Variants in PCED1B observed in about 807,000 individuals in gnomAD.
PCED1B encodes PC-esterase domain containing 1B, also known as PC-esterase domain-containing protein 1B.
For missense variants in PCED1B, 573 were observed against 573.9 expected, an observed-to-expected ratio of 1.00 and a Z score of 0.02; for synonymous variants, 251 against 246.1, an observed-to-expected ratio of 1.02 and a Z score of -0.19.
chr12:47,172,136 T>C (rs901155487), intron 2 of PCED1B, among the ~76,000 whole-genome samples: 1 of 152,130 alleles, frequency 6.6e-6, no homozygotes, highest in African/African-American at 2.4e-5. Context: ...GCTCTTATGT[T>C]TTTCTGATAT....
At chr12:47,154,462 G>C (rs1490596345) in intron 2 of PCED1B, among the ~76,000 whole-genome samples, 3 of 152,104 alleles carry the variant, frequency 2.0e-5, no homozygotes, top group East Asian at 1.9e-4. Flanking sequence ...CCACCACGTA[G>C]AGTCCCTTTC....
chr12:47,236,444 A>G lies in PCED1B; in HGVS notation c.*82A>G. 2 of 1,345,980 alleles carry G rather than the reference A, an allele frequency of 1.5e-6. No individual in the cohort carries two copies. Among genetic ancestry groups the G allele is most frequent in the Non-Finnish European group, 2.0e-6 (2 of 1,008,762 alleles). 83.4% of individuals were successfully genotyped at this position (1,345,980 alleles called of 1,614,324 possible). A position where few individuals can be genotyped will look rare whatever the true frequency, so the allele number is the denominator to read the frequency against. On this transcript the variant is annotated 3_prime_UTR_variant, in exon 4 of 4. Transcript: ENST00000546455. ...CCTTTCCATTGCTTGGCCTGAACAG[A>G]CTGACCTTGTTAACTTAAGCCTGGA...
At chr12:47,142,054 A>G (rs1940613953) in intron 2 of PCED1B, among the ~76,000 whole-genome samples, 1 of 151,972 alleles carries the variant, frequency 6.6e-6, no homozygotes, top group Non-Finnish European at 1.5e-5. Flanking sequence ...ACACCCATCC[A>G]TGCATCTGGC....
chr12:47,130,968 T>G (rs1437956694), intron 2 of PCED1B, among the ~76,000 whole-genome samples: 1 of 152,234 alleles, frequency 6.6e-6, no homozygotes, highest in African/African-American at 2.4e-5. Flanking sequence ...TTACATACAT[T>G]ACTTAAATGT....
intron 2 of PCED1B, among the ~76,000 whole-genome samples, chr12:47,176,964 A>G (rs958289890): frequency 2.6e-5 from 4 of 152,230 alleles, no homozygotes; most frequent in African/African-American, 9.6e-5. Flanking sequence ...AACTATCTCC[A>G]GTGGGGATGG....
At chr12:47,207,509 G>A (rs1212980030) in intron 2 of PCED1B, among the ~76,000 whole-genome samples, 1 of 152,232 alleles carries the variant, frequency 6.6e-6, no homozygotes, top group African/African-American at 2.4e-5. Context: ...GATAGGACAA[G>A]GATGACCCAG....
rs565522562 is a variant in PCED1B at position 47,112,932 on chromosome 12, G to A, written c.-526+8737G>A. Among the ~76,000 whole-genome samples, 149 of 152,312 alleles carry A rather than the reference G, an allele frequency of 9.8e-4. 1 individual carries two copies. Among genetic ancestry groups the A allele is most frequent in the South Asian group, 4.4e-3 (21 of 4,826 alleles). ...CAGCCCTTGCACATACGACTGCCCT[G>A]CTGTGTGCAAAAGCAAATGGAATTT... On this transcript the variant is annotated intron_variant, in intron 2 of 3. Transcript: ENST00000546455.
intron 2 of PCED1B, among the ~76,000 whole-genome samples, chr12:47,153,447 T>C (rs2137464080): frequency 6.6e-6 from 1 of 152,142 alleles, no homozygotes; most frequent in East Asian, 1.9e-4. Flanking sequence ...AATGTTCCAA[T>C]TGATTTGATA....
chr12:47,185,586 C>A (rs773421235), intron 2 of PCED1B, among the ~76,000 whole-genome samples: 11 of 151,882 alleles, frequency 7.2e-5, no homozygotes, highest in Admixed American at 3.9e-4. Flanking sequence ...GCCAGCAGTT[C>A]GAGACCAGCC....
chr12:47,112,472 A>G (rs1278920412), intron 2 of PCED1B, among the ~76,000 whole-genome samples: 1 of 152,212 alleles, frequency 6.6e-6, no homozygotes, highest in African/African-American at 2.4e-5. Context: ...TCCATATTCC[A>G]TGATGTTAGT....
rs932850873 is a variant in PCED1B, at chr12:47,235,228, C to T, written c.165C>T (p.Asn55=). 7.4e-6 allele frequency: 12 copies of T among 1,610,932 alleles called. No individual in the cohort carries two copies. The highest frequency in any genetic ancestry group is 1.3e-5 in the African/African-American group (1 of 74,918). The stretch of plus-strand genomic sequence containing the variant: ...AGCTTAGAGCAAGGGGGGAGCTGAA[C>T]TTCGAACAAGATGAGCTGGTGGACG... ...PGQLRARGEL[N]FEQDELVDGG... The change falls in exon 4 of 4, where the codon AAC becomes AAT. Residue 55 remains asparagine (N), a synonymous_variant. Transcript: ENST00000546455.
intron 1 of PCED1B, among the ~76,000 whole-genome samples, chr12:47,083,479 G>C (rs1204341321): frequency 1.3e-5 from 2 of 152,080 alleles, no homozygotes; most frequent in African/African-American, 4.8e-5. Context: ...GTGTAACTTA[G>C]CTTGAACCCA....
At chr12:47,207,761 A>C (rs2137745387) in intron 2 of PCED1B, among the ~76,000 whole-genome samples, 1 of 152,318 alleles carries the variant, frequency 6.6e-6, no homozygotes, top group South Asian at 2.1e-4. Flanking sequence ...ACCCCTGACT[A>C]TAATCTATTA....
chr12:47,154,358 G>T (rs1372077495), intron 2 of PCED1B, among the ~76,000 whole-genome samples: 2 of 152,142 alleles, frequency 1.3e-5, no homozygotes, highest in Non-Finnish European at 2.9e-5. Flanking sequence ...ACCTGAGGGA[G>T]CTGGGGTTTT....
In PCED1B at chr12:47,235,505, C is replaced by A; in HGVS notation, c.442C>A (p.Gln148Lys). Residue 148 changes from glutamine to lysine, a missense_variant, in exon 4 of 4, where the codon CAG becomes AAG. Coordinates refer to ENST00000546455, the MANE Select transcript of PCED1B (RefSeq NM_138371.3). Reference protein sequence around the residue: ...SYLENLENLFQCLGQVLPESC... With the variant: ...SYLENLENLFKCLGQVLPESC... The stretch of plus-strand genomic sequence containing the variant: ...CCTGGAGAACCTGGAGAACCTGTTC[C>A]AGTGCCTGGGCCAGGTGCTGCCCGA... 6.2e-7 allele frequency: 1 copy of A among 1,612,940 alleles called. No individual in the cohort carries two copies. Among genetic ancestry groups the A allele is most frequent in the Non-Finnish European group, 8.5e-7 (1 of 1,179,274 alleles).
At chr12:47,089,814 C>A (rs1938185503) in intron 1 of PCED1B, among the ~76,000 whole-genome samples, 1 of 152,006 alleles carries the variant, frequency 6.6e-6, no homozygotes, top group African/African-American at 2.4e-5. Flanking sequence ...TGCTGTGTCA[C>A]CCAGGCTGGA....
chr12:47,082,415 G>T (rs887536205), intron 1 of PCED1B, among the ~76,000 whole-genome samples: 1 of 152,188 alleles, frequency 6.6e-6, no homozygotes, highest in Non-Finnish European at 1.5e-5. Flanking sequence ...AGAAAGAGGA[G>T]TCCTGTAAAT....
chr12:47,204,196 G>T (rs970946982), intron 2 of PCED1B, among the ~76,000 whole-genome samples: 6 of 152,006 alleles, frequency 3.9e-5, no homozygotes, highest in Non-Finnish European at 7.4e-5. Context: ...TGATCTGCCC[G>T]CTTCGGCATC....
chr12:47,190,475 C>G (rs972104839), intron 2 of PCED1B, among the ~76,000 whole-genome samples: 3 of 152,232 alleles, frequency 2.0e-5, no homozygotes, highest in Non-Finnish European at 4.4e-5. Flanking sequence ...GAAGTGGTTT[C>G]TCTCAATTCC....
Sources: allele counts gnomAD v4.1 joint callset (sites outside exome capture counted in the v4.1 genomes callset), GRCh38; gene constraint gnomAD v4.1.1; transcripts MANE v1.5; gene names NCBI Gene and HGNC (gene_info 2026-07-23, HGNC 2026-07-21).